Variants in GLUL observed in about 807,000 individuals in gnomAD.
GLUL encodes glutamate-ammonia ligase, also known as glutamine synthetase.
GLUL carries 8 observed loss-of-function variants against 36.9 expected under a neutral mutation model. The ratio of observed to expected loss-of-function variants is 0.22; its 90% CI spans 0.13 to 0.39. The LOEUF (loss-of-function observed/expected upper bound fraction) is 0.39. GLUL is among the 10% of genes least tolerant of loss of function. The pLI is 1.00. For missense variants in GLUL, 315 were observed against 501.8 expected (o/e 0.63, Z 3.56); for synonymous variants, 182 against 172.8 (o/e 1.05, Z -0.42).
chr1:182,385,445 C>T lies in GLUL; in HGVS notation c.715G>A (p.Asp239Asn), dbSNP rs1650131726. Residue 239 changes from aspartate to asparagine, a missense_variant, in exon 6 of 7, where the codon GAT becomes AAT. Around this residue, in one of 3 missense-constraint regions of GLUL, gnomAD observed 256 missense variants for 396.1 expected, o/e 0.65. Coordinates refer to ENST00000331872, the MANE Select transcript of GLUL (RefSeq NM_001033044.4). ...CAGTTCCCAGGAATGGGCTTAGGAT[C>T]AAAGGTTGCTATCACTCCAAAGTCT... ...CEDFGVIATFDPKPIPGNWNG... is the reference protein window; with the variant it reads ...CEDFGVIATFNPKPIPGNWNG... The T allele has an allele frequency of 6.2e-7, 1 of 1,613,872 alleles. No individual in the cohort carries two copies. Among genetic ancestry groups the T allele is most frequent in the Non-Finnish European group, 8.5e-7 (1 of 1,179,802 alleles).
rs1650061863 is a variant in GLUL at position 182,384,182 on chromosome 1, T to C, written c.*223A>G. The C allele has an allele frequency of 3.7e-6, 2 of 542,726 alleles. No individual in the cohort carries two copies. Among genetic ancestry groups the C allele is most frequent in the Non-Finnish European group, 6.6e-6 (2 of 302,852 alleles). 33.6% of individuals were successfully genotyped at this position (542,726 alleles called of 1,614,324 possible). On this transcript the variant is annotated 3_prime_UTR_variant, in exon 7 of 7. Coordinates refer to ENST00000331872, the MANE Select transcript of GLUL (RefSeq NM_001033044.4). ...CCTCCCCACTAATGCACTAAAAAGC[T>C]TCAGTGATAGGGAAAAAAAGGAGGG... is the stretch of plus-strand genomic sequence containing the variant.
intron 6 of GLUL, chr1:182,385,150 G>C (rs892322489): frequency 9.0e-6 from 5 of 555,970 alleles, no homozygotes; most frequent in African/African-American, 1.9e-5. Context: ...GTATTATTTG[G>C]TATTTTTCAA....
At chr1:182,388,985 C>G in intron 1 of GLUL, 1 of 469,656 alleles carries the variant, frequency 2.1e-6, no homozygotes. Flanking sequence ...CCTTTTGAAA[C>G]AATTAACACA....
At chr1:182,391,569 C>T (rs1405909625) in intron 1 of GLUL, 110 bp downstream of exon 1, 1 of 227,524 alleles carries the variant, frequency 4.4e-6, no homozygotes, top group African/African-American at 2.3e-5. Context: ...CAGCGTAGGG[C>T]TGGGACTGGA....
chr1:182,390,963 G>T, intron 1 of GLUL: 1 of 398,054 alleles, frequency 2.5e-6, no homozygotes, highest in South Asian at 1.4e-4. Context: ...GAATCTCAGG[G>T]CCTCACGGAG....
chr1:182,386,623 C>T, intron 3 of GLUL: 1 of 595,878 alleles, frequency 1.7e-6, no homozygotes, highest in Non-Finnish European at 3.0e-6. Flanking sequence ...TCAGTTTTAA[C>T]TAAACTCAGT....
rs564483871 is a variant in GLUL at position 182,380,798 on chromosome 1, C to T, written c.*3607G>A. 1.3e-5 allele frequency among the ~76,000 whole-genome samples: 2 copies of T among 152,370 alleles called. No homozygotes were observed. The highest frequency in any genetic ancestry group is 1.3e-4 in the Admixed American group (2 of 15,308). On this transcript the variant is annotated 3_prime_UTR_variant, in exon 7 of 7. Coordinates refer to ENST00000331872, the MANE Select transcript of GLUL (RefSeq NM_001033044.4). ...CAAGAAAAACAGGATCTCTTGCTTT[C>T]ATGAAGTTCAACTAGAAAGTCCTGT...
chr1:182,385,940 A>G lies in GLUL; in HGVS notation c.476-53T>C, dbSNP rs1034597804. Reference sequence around the variant, plus strand: ...AGAGTCAAGAAATCCAGAGAATCCCAAAGTCAGAGATCAGAAGGCCCTTAA... The same window carrying G: ...AGAGTCAAGAAATCCAGAGAATCCCGAAGTCAGAGATCAGAAGGCCCTTAA... On this transcript the variant is annotated intron_variant, in intron 4 of 6. Transcript: ENST00000331872. The G allele has an allele frequency of 3.5e-5, 55 of 1,575,682 alleles. No individual in the cohort carries two copies. The Admixed American group carries it at 9.0e-4, about 26-fold the overall frequency.
Position 182,380,497 on chromosome 1 carries a change from C to T in GLUL, c.*3908G>A, listed in dbSNP as rs1649889906. Among the ~76,000 whole-genome samples, 1 of 152,144 alleles carries T rather than the reference C, an allele frequency of 6.6e-6. No homozygotes were observed. Among genetic ancestry groups the T allele is most frequent in the Non-Finnish European group, 1.5e-5 (1 of 68,036 alleles). ...ATTTTGTGGAGTCTGGACCTCACTA[C>T]ATTGCCTAGAACGGTCTCAAACTCC... is the stretch of plus-strand genomic sequence containing the variant. On this transcript the variant is annotated 3_prime_UTR_variant, in exon 7 of 7. Coordinates refer to ENST00000331872, the MANE Select transcript of GLUL (RefSeq NM_001033044.4).
In GLUL at chr1:182,388,580, C is replaced by G; in HGVS notation, c.158G>C (p.Cys53Ser). 6.2e-7 allele frequency: 1 copy of G among 1,613,910 alleles called. No homozygotes were observed. The highest frequency in any genetic ancestry group is 8.5e-7 in the Non-Finnish European group (1 of 1,179,790). The part of the protein sequence containing the change: ...KTRTLDSEPK[C>S]VEELPEWNFD... ...CCACATTGCTGTCTCACCTTCCACA[C>G]ACTTGGGCTCACTGTCCAGGGTCCG... The change falls in exon 2 of 7, where the codon TGT becomes TCT. Residue 53 changes from cysteine (C) to serine (S), a missense_variant. Physicochemically the swap from Cys to Ser is moderately radical, Grantham distance 112. Around this residue, in one of 3 missense-constraint regions of GLUL, gnomAD observed 256 missense variants for 396.1 expected, o/e 0.65. Coordinates refer to ENST00000331872, the MANE Select transcript of GLUL (RefSeq NM_001033044.4).
rs1649878251 is a variant in GLUL at position 182,380,189 on chromosome 1, T to A, written c.*4216A>T. 6.6e-6 allele frequency among the ~76,000 whole-genome samples: 1 copy of A among 152,184 alleles called. No homozygotes were observed. The highest frequency in any genetic ancestry group is 2.4e-5 in the African/African-American group (1 of 41,450). The stretch of plus-strand genomic sequence containing the variant: ...CAACACAAGGCTCTTGGTAGCCTGA[T>A]TACAATGAGAATTAATTAAGTACAC... On this transcript the variant is annotated 3_prime_UTR_variant, in exon 7 of 7. Coordinates refer to ENST00000331872, the MANE Select transcript of GLUL (RefSeq NM_001033044.4).
At chr1:182,385,917 A>G (rs1650160306) in intron 4 of GLUL, 30 bp from the exon 5 acceptor site, 3 of 1,609,032 alleles carry the variant, frequency 1.9e-6, no homozygotes, top group South Asian at 1.1e-5. Flanking sequence ...AAACACTAAG[A>G]GTCAAGAAAT....
In GLUL at chr1:182,390,277, T is replaced by C. The variant is rs534628506; in HGVS notation, c.-14+1402A>G. 560 of 380,676 alleles carry C rather than the reference T, an allele frequency of 1.5e-3. 2 individuals are homozygous for C. The highest frequency in any genetic ancestry group is 0.01 in the African/African-American group (488 of 48,256). 23.6% of individuals were successfully genotyped at this position (380,676 alleles called of 1,614,324 possible). ...AATTTCTCGGCTGTCCTCTCCAACA[T>C]GTTACACCACCAATATCATGCACAC... On this transcript the variant is annotated intron_variant, in intron 1 of 6. Coordinates refer to ENST00000331872, the MANE Select transcript of GLUL (RefSeq NM_001033044.4).
chr1:182,385,284 G>A (rs1256543696), intron 6 of GLUL, 73 bp downstream of exon 6: 1 of 1,139,406 alleles, frequency 8.8e-7, no homozygotes, highest in Non-Finnish European at 1.3e-6. Context: ...AGACTTTGCT[G>A]AGAGATTGCT....
rs760896833 is a variant in GLUL at position 182,385,345 on chromosome 1, G to C, written c.803+12C>G. 4 of 1,596,270 alleles carry C rather than the reference G, an allele frequency of 2.5e-6. No homozygotes were observed. In the South Asian group the frequency reaches 4.4e-5, roughly 18 times the overall value. On this transcript the variant is annotated intron_variant, in intron 6 of 6. Transcript: ENST00000331872. ...CAGGAGATTAAAGATGGCCCCAGCAGAAGGTACTCACTTCAGACCATTCTC... is the reference window on the plus strand; with the variant it reads ...CAGGAGATTAAAGATGGCCCCAGCACAAGGTACTCACTTCAGACCATTCTC...
In GLUL at chr1:182,380,292, T is replaced by G. The variant is rs2101925618; in HGVS notation, c.*4113A>C. Among the ~76,000 whole-genome samples, 1 of 152,270 alleles carries G rather than the reference T, an allele frequency of 6.6e-6. No homozygotes were observed. Among genetic ancestry groups the G allele is most frequent in the South Asian group, 2.1e-4 (1 of 4,822 alleles). On this transcript the variant is annotated 3_prime_UTR_variant, in exon 7 of 7. Transcript: ENST00000331872. ...AGTAAAAAGAATCAACATTTTCAAT[T>G]TGTTTTTTGGGGTTTTGTTTGTTTT...
rs772992206 is a variant in GLUL at position 182,385,457 on chromosome 1, T to C, written c.703A>G (p.Ile235Val). ...LHRVCEDFGV[I>V]ATFDPKPIPG... ...ATGGGCTTAGGATCAAAGGTTGCTATCACTCCAAAGTCTTCACACACACGA... is the reference window on the plus strand; with the variant it reads ...ATGGGCTTAGGATCAAAGGTTGCTACCACTCCAAAGTCTTCACACACACGA... Residue 235 changes from isoleucine (I) to valine (V), a missense_variant, in exon 6 of 7, where the codon ATA (isoleucine) becomes GTA (valine). By Grantham distance (29) the Ile-to-Val change is conservative. Around this residue, in one of 3 missense-constraint regions of GLUL, gnomAD observed 256 missense variants for 396.1 expected, o/e 0.65. Coordinates refer to ENST00000331872, the MANE Select transcript of GLUL (RefSeq NM_001033044.4). 6.2e-7 allele frequency: 1 copy of C among 1,613,892 alleles called. No individual in the cohort carries two copies. Among genetic ancestry groups the C allele is most frequent in the Non-Finnish European group, 8.5e-7 (1 of 1,179,806 alleles).
Position 182,388,788 on chromosome 1 carries a change from C to T in GLUL, c.-13-38G>A, listed in dbSNP as rs1017050626. ...AAAAGAATAACATTGTTAACGCCCA[C>T]TCCAAACTGATCCCCTGCAAAAATG... is the stretch of plus-strand genomic sequence containing the variant. On this transcript the variant is annotated intron_variant, in intron 1 of 6. Transcript: ENST00000331872. 4.6e-6 allele frequency: 7 copies of T among 1,509,290 alleles called. No individual in the cohort carries two copies. The Admixed American group carries it at 5.0e-5, about 11-fold the overall frequency. The allele number at this position is 1,509,290 out of a possible 1,614,324, so 93.5% of individuals were successfully genotyped here. A position where few individuals can be genotyped will look rare whatever the true frequency, so the allele number is the denominator to read the frequency against.
At chr1:182,390,790 G>C in intron 1 of GLUL, 1 of 394,436 alleles carries the variant, frequency 2.5e-6, no homozygotes, top group Non-Finnish European at 4.5e-6. Context: ...CTGACTTCTC[G>C]TTGTCTTCAT....
Sources: gnomAD v4.1 joint callset for allele counts (sites outside exome capture counted in the v4.1 genomes callset) on GRCh38, gnomAD v4.1.1 for gene constraint, gnomAD v4.1.1 regional missense constraint, MANE v1.5 for transcripts, NCBI Gene and HGNC (gene_info 2026-07-23, HGNC 2026-07-21) for gene names.